FSTL5: variants seen among roughly 807,000 people sequenced by gnomAD.
FSTL5 encodes the protein follistatin-related protein 5.
Under a neutral mutation model 89.1 loss-of-function variants are expected in FSTL5, and 62 were observed. The observed-to-expected ratio is 0.70, with a 90% CI of 0.57 to 0.86. The LOEUF (loss-of-function observed/expected upper bound fraction) is 0.86. Among genes scored for constraint, FSTL5 ranks in the 40% least tolerant of loss-of-function variants. The pLI, the probability that FSTL5 is intolerant of heterozygous loss-of-function variation, is 0.00. For synonymous variants in FSTL5, 383 were observed against 346.2 expected (o/e 1.11, Z -1.18); for missense variants, 1,057 against 1,001.6 (o/e 1.06, Z -0.75).
intron 6 of FSTL5, among the ~76,000 whole-genome samples, chr4:161,659,780 CA>C (rs1306762956): frequency 1.3e-5 from 2 of 152,046 alleles, no homozygotes; most frequent in Non-Finnish European, 2.9e-5. Context: ...ATATTGAAAA[CA>C]ATCTTTTATT....
chr4:161,756,379 A>T (rs560986356), intron 6 of FSTL5, among the ~76,000 whole-genome samples: 1 of 152,064 alleles, frequency 6.6e-6, no homozygotes, highest in Non-Finnish European at 1.5e-5. Context: ...TGGCAGAATC[A>T]TTACTATATT....
intron 4 of FSTL5, among the ~76,000 whole-genome samples, chr4:161,870,244 T>A (rs1041727502): frequency 1.9e-4 from 29 of 152,176 alleles, no homozygotes; most frequent in African/African-American, 7.0e-4. Context: ...TAAATAATTG[T>A]TCTTCTGCTT....
chr4:161,638,684 A>G (rs1415306640), intron 7 of FSTL5, among the ~76,000 whole-genome samples: 4 of 136,316 alleles, frequency 2.9e-5, no homozygotes, highest in Non-Finnish European at 6.2e-5. Flanking sequence ...AGCCGGGCAG[A>G]GACACAACCA....
At chr4:162,090,079 T>G (rs574073522) in intron 2 of FSTL5, among the ~76,000 whole-genome samples, 2 of 152,232 alleles carry the variant, frequency 1.3e-5, no homozygotes, top group African/African-American at 4.8e-5. Flanking sequence ...TTACACCATA[T>G]ACAAAAGTCA....
chr4:162,126,296 T>C (rs1732077887), intron 1 of FSTL5, among the ~76,000 whole-genome samples: 1 of 152,066 alleles, frequency 6.6e-6, no homozygotes, highest in Non-Finnish European at 1.5e-5. Context: ...TAGCCCTTAA[T>C]ATTAAAATTA....
At chr4:161,679,299 GTATC>G (rs1737436197) in intron 6 of FSTL5, among the ~76,000 whole-genome samples, 1 of 151,702 alleles carries the variant, frequency 6.6e-6, no homozygotes. Context: ...CATACATTGA[GTATC>G]TACTATAAGC....
chr4:161,984,959 CT>C (rs760714876), intron 3 of FSTL5, among the ~76,000 whole-genome samples: 565 of 141,540 alleles, frequency 4.0e-3, no homozygotes, highest in Middle Eastern at 7.4e-3. Context: ...TATCTGAATA[CT>C]TTTTTTTTTT....
intron 4 of FSTL5, among the ~76,000 whole-genome samples, chr4:161,885,254 T>A (rs555225269): frequency 2.4e-4 from 37 of 152,174 alleles, no homozygotes; most frequent in Non-Finnish European, 4.8e-4. Context: ...CATATTTACA[T>A]AAACTGGAGT....
chr4:161,850,736 C>T (rs909865696), intron 4 of FSTL5, among the ~76,000 whole-genome samples: 12 of 152,044 alleles, frequency 7.9e-5, no homozygotes, highest in Admixed American at 3.3e-4. Context: ...AAAATATTTT[C>T]GTTTGGAACC....
At chr4:161,977,625 A>AG in intron 3 of FSTL5, among the ~76,000 whole-genome samples, 1 of 47,596 alleles carries the variant, frequency 2.1e-5, no homozygotes, top group Non-Finnish European at 4.7e-5. Context: ...AAAAAAAAAA[A>AG]AAAAAAAAAA....
chr4:161,664,292 T>C (rs1040946632), intron 6 of FSTL5, among the ~76,000 whole-genome samples: 1 of 152,204 alleles, frequency 6.6e-6, no homozygotes, highest in African/African-American at 2.4e-5. Flanking sequence ...ATTTTCCAAA[T>C]TGTATGCTCA....
intron 3 of FSTL5, among the ~76,000 whole-genome samples, chr4:162,031,445 T>C (rs1737518652): frequency 6.6e-6 from 1 of 152,210 alleles, no homozygotes; most frequent in Non-Finnish European, 1.5e-5. Flanking sequence ...GAGTAAGCTA[T>C]AGCTTTCATG....
intron 3 of FSTL5, among the ~76,000 whole-genome samples, chr4:161,992,858 AAAAATATATATAT>A (rs1560957252): frequency 1.7e-3 from 20 of 11,512 alleles, no homozygotes; most frequent in African/African-American, 4.6e-3. Flanking sequence ...AAAAAAAAAA[AAAAATATATATAT>A]ATATATATAT....
chr4:161,767,438 C>T (rs753261335), intron 5 of FSTL5, among the ~76,000 whole-genome samples: 7 of 152,100 alleles, frequency 4.6e-5, no homozygotes, highest in Non-Finnish European at 7.4e-5. Flanking sequence ...TTCTCTGAGA[C>T]GTACATTGTA....
chr4:161,842,280 T>C (rs1442982475), intron 4 of FSTL5, among the ~76,000 whole-genome samples: 8 of 152,192 alleles, frequency 5.3e-5, no homozygotes, highest in Non-Finnish European at 5.9e-5. Flanking sequence ...TGTTCTTCTA[T>C]GCAGTTCATT....
chr4:161,624,352 T>C (rs1735238531), intron 7 of FSTL5, among the ~76,000 whole-genome samples: 1 of 152,044 alleles, frequency 6.6e-6, no homozygotes, highest in South Asian at 2.1e-4. Context: ...TTTACGTATG[T>C]ATCCATAGAT....
chr4:161,901,791 C>T (rs937491222), intron 4 of FSTL5, among the ~76,000 whole-genome samples: 5 of 151,964 alleles, frequency 3.3e-5, no homozygotes, highest in African/African-American at 4.8e-5. Flanking sequence ...AAAAATTAGC[C>T]GGGCGTGGTG....
chr4:161,786,435 A>G (rs763720199), intron 4 of FSTL5, among the ~76,000 whole-genome samples: 8 of 152,070 alleles, frequency 5.3e-5, no homozygotes, highest in Non-Finnish European at 8.8e-5. Context: ...TATCCCAACT[A>G]TTTGTTAACT....
intron 7 of FSTL5, among the ~76,000 whole-genome samples, chr4:161,598,115 T>C (rs1170987409): frequency 5.3e-5 from 8 of 152,170 alleles, no homozygotes; most frequent in Non-Finnish European, 1.2e-4. Context: ...CTCATGGCTG[T>C]AATCCCAGCA....
Sources: allele counts gnomAD v4.1 joint callset (sites outside exome capture counted in the v4.1 genomes callset), GRCh38; gene constraint gnomAD v4.1.1; transcripts MANE v1.5; gene names NCBI Gene and HGNC (gene_info 2026-07-23, HGNC 2026-07-21).